Variants in FAM20A observed in about 807,000 individuals in gnomAD.
FAM20A encodes the protein pseudokinase FAM20A.
A neutral mutation model predicts 52.0 loss-of-function variants in FAM20A; 42 were observed. That is an observed-to-expected ratio of 0.81 (90% CI 0.63 to 1.04). The LOEUF (loss-of-function observed/expected upper bound fraction) is 1.04. Among genes scored for constraint, FAM20A ranks in the 50% least tolerant of loss-of-function variants. FAM20A has a pLI of 0.00. For missense variants in FAM20A, 742 were observed against 712.7 expected (o/e 1.04, Z -0.47); for synonymous variants, 304 against 298.9 (o/e 1.02, Z -0.18).
intron 1 of FAM20A, among the ~76,000 whole-genome samples, chr17:68,580,902 C>T (rs67810719): frequency 0.17 from 25,209 of 152,106 alleles, 2,360 homozygotes; most frequent in East Asian, 0.35. Flanking sequence ...GCAAAAATGA[C>T]ACCTCCAAGG....
At chr17:68,549,736 G>A (rs2086745938) in intron 4 of FAM20A, among the ~76,000 whole-genome samples, 1 of 152,144 alleles carries the variant, frequency 6.6e-6, no homozygotes, top group Admixed American at 6.5e-5. Context: ...TAAACTCTAT[G>A]ACAACCAGAA....
intron 7 of FAM20A, 54 bp from the exon 8 acceptor site, chr17:68,541,012 G>C: frequency 6.5e-7 from 1 of 1,549,622 alleles, no homozygotes; most frequent in Non-Finnish European, 8.7e-7. Context: ...CAGGGTGTCG[G>C]GGGTCTCCCC....
At chr17:68,572,397 G>A (rs577845067) in intron 1 of FAM20A, among the ~76,000 whole-genome samples, 8 of 152,226 alleles carry the variant, frequency 5.3e-5, no homozygotes, top group Admixed American at 5.2e-4. Context: ...AGCACTTTCA[G>A]AGACATTAAG....
At chr17:68,542,602 A>G (rs2143507109) in intron 6 of FAM20A, 92 bp downstream of exon 6, 1 of 951,074 alleles carries the variant, frequency 1.1e-6, no homozygotes, top group East Asian at 2.4e-5. Context: ...TAGTGCTAGC[A>G]GCAGGGTGTC....
Position 68,600,136 on chromosome 17 carries a change from C to A in FAM20A, c.404+127G>T. 1.7e-6 allele frequency: 2 copies of A among 1,153,358 alleles called. No individual in the cohort carries two copies. The highest frequency in any genetic ancestry group is 3.1e-5 in the South Asian group (2 of 64,052). The allele number at this position is 1,153,358 out of a possible 1,614,324, so 71.4% of individuals were successfully genotyped here. On this transcript the variant is annotated intron_variant, in intron 1 of 10. Transcript: ENST00000592554. This position sits in a 1 kb window ranked among gnomAD's most constrained non-coding sequence, Gnocchi z 6.2. Reference sequence around the variant, plus strand: ...TGGGGAACACACTCTAAGCCCAGCGCCAGGGCTGGAGCCGTGGGTGGAGCC... The same window carrying A: ...TGGGGAACACACTCTAAGCCCAGCGACAGGGCTGGAGCCGTGGGTGGAGCC...
intron 1 of FAM20A, among the ~76,000 whole-genome samples, chr17:68,573,434 CTCTTTCTTTCTTTCTTTCTTTCT>C (rs1423947105): frequency 7.4e-6 from 1 of 135,642 alleles, no homozygotes; most frequent in Non-Finnish European, 1.6e-5. Flanking sequence ...TCTTTCCTTT[CTCTTTCTTTCTTTCTTTCTTTCT>C]TCTTTCTTTC....
intron 4 of FAM20A, among the ~76,000 whole-genome samples, chr17:68,545,209 A>G (rs1161565026): frequency 1.3e-5 from 2 of 152,252 alleles, no homozygotes; most frequent in African/African-American, 4.8e-5. Context: ...ACACTGTGTT[A>G]TGGTATGAAA....
Position 68,537,162 on chromosome 17 carries a change from A to G in FAM20A, c.*315T>C. 1 of 540,930 alleles carries G rather than the reference A, an allele frequency of 1.8e-6. No individual in the cohort carries two copies. The highest frequency in any genetic ancestry group is 3.5e-6 in the Non-Finnish European group (1 of 284,378). The allele number at this position is 540,930 out of a possible 1,614,324, so 33.5% of individuals were successfully genotyped here. ...TTTTATTTGACTTGTTACCATTAGT[A>G]CTCTCCTGGGATCAAGGCTGCCAAG... On this transcript the variant is annotated 3_prime_UTR_variant, in exon 11 of 11. Coordinates refer to ENST00000592554, the MANE Select transcript of FAM20A (RefSeq NM_017565.4). This position sits in a 1 kb window ranked among gnomAD's most constrained non-coding sequence, Gnocchi z 4.2.
At chr17:68,539,680 G>A (rs1363067837) in intron 9 of FAM20A, among the ~76,000 whole-genome samples, 4 of 152,246 alleles carry the variant, frequency 2.6e-5, no homozygotes, top group East Asian at 1.9e-4. Flanking sequence ...GAGGGCACAC[G>A]AGTGCTCTCA....
chr17:68,562,325 C>T lies in FAM20A; in HGVS notation c.405-6582G>A, dbSNP rs186720059. ...TAAGAGATATCTCTATATGTAGTGA[C>T]GTAGAAGGATGTCTAATTTCAGAAC... On this transcript the variant is annotated intron_variant, in intron 1 of 10. Coordinates refer to ENST00000592554, the MANE Select transcript of FAM20A (RefSeq NM_017565.4). Among the ~76,000 whole-genome samples, 451 of 152,230 alleles carry T rather than the reference C, an allele frequency of 3.0e-3. 5 individuals carry two copies. The highest frequency in any genetic ancestry group is 1.9e-3 in the Non-Finnish European group (131 of 68,008).
chr17:68,570,430 T>G (rs560598336), intron 1 of FAM20A, among the ~76,000 whole-genome samples: 1 of 152,344 alleles, frequency 6.6e-6, no homozygotes, highest in East Asian at 1.9e-4. Context: ...ATCTCACACC[T>G]AGTGGATGAT....
intron 1 of FAM20A, among the ~76,000 whole-genome samples, chr17:68,589,565 G>T (rs995638703): frequency 1.3e-5 from 2 of 152,082 alleles, no homozygotes; most frequent in Non-Finnish European, 1.5e-5. Flanking sequence ...TTGGAGTTGG[G>T]GGCAAGGGGA....
intron 1 of FAM20A, among the ~76,000 whole-genome samples, chr17:68,580,144 T>TAAGTG (rs1296432368): frequency 1.3e-5 from 2 of 152,226 alleles, no homozygotes; most frequent in East Asian, 3.8e-4. Context: ...AAAGGAGGAA[T>TAAGTG]AAAAGCCAGG....
At chr17:68,555,789 G>T in intron 1 of FAM20A, 46 bp from the exon 2 acceptor site, 1 of 1,601,746 alleles carries the variant, frequency 6.2e-7, no homozygotes, top group Non-Finnish European at 8.6e-7. Context: ...AGAATGCAAA[G>T]ACCCACCAAG....
intron 1 of FAM20A, among the ~76,000 whole-genome samples, chr17:68,563,340 C>T (rs1217826846): frequency 7.5e-5 from 11 of 146,882 alleles, no homozygotes; most frequent in Middle Eastern, 3.6e-3. Context: ...GAGCTGAGAT[C>T]GTGACACTGC....
chr17:68,581,380 T>TTCTTTC (rs2087959109), intron 1 of FAM20A, among the ~76,000 whole-genome samples: 1 of 144,022 alleles, frequency 6.9e-6, no homozygotes, highest in Non-Finnish European at 1.5e-5. Context: ...CTTTCTTTCT[T>TTCTTTC]TCTTTCTTTC....
At chr17:68,597,409 G>A (rs570982621) in intron 1 of FAM20A, among the ~76,000 whole-genome samples, 2 of 151,764 alleles carry the variant, frequency 1.3e-5, no homozygotes, top group South Asian at 4.2e-4. Flanking sequence ...TTTTGAGATG[G>A]AATCTCACTG....
intron 1 of FAM20A, among the ~76,000 whole-genome samples, chr17:68,575,819 CACACACACACACAT>C (rs1169014599): frequency 7.4e-6 from 1 of 135,174 alleles, no homozygotes; most frequent in Non-Finnish European, 1.6e-5. Context: ...CACACACACA[CACACACACACACAT>C]AATCAGCCAT....
rs1054977677 is a variant in FAM20A at position 68,537,102 on chromosome 17, A to G, written c.*375T>C. 2.1e-6 allele frequency: 1 copy of G among 468,596 alleles called. No individual in the cohort carries two copies. The highest frequency in any genetic ancestry group is 2.0e-5 in the African/African-American group (1 of 50,814). The allele number at this position is 468,596 out of a possible 1,614,324, so 29.0% of individuals were successfully genotyped here. ...TTATCTTTGACTTGTAGCTAGAATA[A>G]GGATCCTGAGAAGTCAGGTATCCAC... On this transcript the variant is annotated 3_prime_UTR_variant, in exon 11 of 11. Transcript: ENST00000592554. This position sits in a 1 kb window ranked among gnomAD's most constrained non-coding sequence, Gnocchi z 4.2.
Sources: gnomAD v4.1 joint callset for allele counts (sites outside exome capture counted in the v4.1 genomes callset) on GRCh38, gnomAD v4.1.1 for gene constraint, Gnocchi (gnomAD v3.1) non-coding constraint, MANE v1.5 for transcripts, NCBI Gene and HGNC (gene_info 2026-07-23, HGNC 2026-07-21) for gene names.